Variants in PCDH9 observed in about 807,000 individuals in gnomAD.
PCDH9 encodes protocadherin 9.
PCDH9 carries 24 observed loss-of-function variants against 70.6 expected under a neutral mutation model. The ratio of observed to expected loss-of-function variants is 0.34; its 90% CI spans 0.25 to 0.48. PCDH9 has a LOEUF of 0.48. PCDH9 is among the 20% of genes least tolerant of loss of function. PCDH9 has a pLI of 0.99. For missense variants in PCDH9, 1,281 were observed against 1,503.6 expected (o/e 0.85, Z 2.45); for synonymous variants, 562 against 558.5 (o/e 1.01, Z -0.09).
intron 3 of PCDH9, among the ~76,000 whole-genome samples, chr13:66,900,512 T>C (rs1385409950): frequency 6.6e-6 from 1 of 151,900 alleles, no homozygotes; most frequent in South Asian, 2.1e-4. Flanking sequence ...AGAAGAATTA[T>C]TATAATGCAT....
rs1955408132 is a variant in PCDH9, at chr13:66,303,569, T to C, written c.*1086A>G. The C allele has an allele frequency of 6.6e-6, 1 of 152,492 alleles. No homozygotes were observed. The highest frequency in any genetic ancestry group is 6.6e-5 in the Admixed American group (1 of 15,222). 9.4% of individuals were successfully genotyped at this position (152,492 alleles called of 1,614,324 possible). On this transcript the variant is annotated 3_prime_UTR_variant, in exon 5 of 5. Coordinates refer to ENST00000377865, the MANE Select transcript of PCDH9 (RefSeq NM_203487.3). ...CACAGACTCTGCCATTTCAACAAAG[T>C]TGTAGACACACATTTGCCCAATTGA...
At chr13:66,973,704 C>T (rs1465667660) in intron 2 of PCDH9, among the ~76,000 whole-genome samples, 1 of 152,028 alleles carries the variant, frequency 6.6e-6, no homozygotes, top group African/African-American at 2.4e-5. Flanking sequence ...AACAGATGGA[C>T]AGTTTAAATA....
At chr13:67,061,477 A>G (rs1339497038) in intron 2 of PCDH9, among the ~76,000 whole-genome samples, 1 of 152,072 alleles carries the variant, frequency 6.6e-6, no homozygotes, top group Non-Finnish European at 1.5e-5. Flanking sequence ...AGTGCATAGA[A>G]GCTATGGTTT....
intron 3 of PCDH9, among the ~76,000 whole-genome samples, chr13:66,635,236 G>GA (rs1314732843): frequency 6.6e-6 from 1 of 152,032 alleles, no homozygotes; most frequent in African/African-American, 2.4e-5. Flanking sequence ...TATCCTGTGG[G>GA]AAATATTTTT....
chr13:66,848,254 A>G (rs34208935), intron 3 of PCDH9, among the ~76,000 whole-genome samples: 11,774 of 152,294 alleles, frequency 0.077, 611 homozygotes, highest in South Asian at 0.14. Context: ...TAATTATGGG[A>G]CATTTACAAT....
intron 3 of PCDH9, among the ~76,000 whole-genome samples, chr13:66,798,133 G>A (rs898766607): frequency 1.3e-5 from 2 of 151,926 alleles, no homozygotes; most frequent in African/African-American, 4.8e-5. Context: ...ATTTTTTCTT[G>A]TTTTTCCAAA....
intron 4 of PCDH9, among the ~76,000 whole-genome samples, chr13:66,382,258 T>C (rs181981361): frequency 3.0e-4 from 46 of 152,330 alleles, no homozygotes; most frequent in Admixed American, 2.0e-3. Context: ...AAATCCAATG[T>C]GTACTGATAA....
chr13:66,870,896 C>G (rs2081665861), intron 3 of PCDH9, among the ~76,000 whole-genome samples: 1 of 152,008 alleles, frequency 6.6e-6, no homozygotes, highest in Non-Finnish European at 1.5e-5. Context: ...GGGTATATAC[C>G]CAAAGGACTA....
intron 4 of PCDH9, among the ~76,000 whole-genome samples, chr13:66,622,775 G>C (rs975227785): frequency 6.6e-6 from 1 of 152,168 alleles, no homozygotes; most frequent in Non-Finnish European, 1.5e-5. Flanking sequence ...TGCCCGGGCA[G>C]GCAGTGGCAA....
chr13:67,007,555 T>C (rs1349557843), intron 2 of PCDH9, among the ~76,000 whole-genome samples: 1 of 152,202 alleles, frequency 6.6e-6, no homozygotes, highest in Non-Finnish European at 1.5e-5. Flanking sequence ...ATTGAAAACA[T>C]TATGGGAGCA....
rs917406632 is a variant in PCDH9 at position 67,037,090 on chromosome 13, C to T, written c.3037-133485G>A. On this transcript the variant is annotated intron_variant, in intron 2 of 4. Coordinates refer to ENST00000377865, the MANE Select transcript of PCDH9 (RefSeq NM_203487.3). ...TTAGTTAAAAGCAGCTTTAGAGTGCCCCTCAATCCCTGATTACATCCCCTT... is the reference window on the plus strand; with the variant it reads ...TTAGTTAAAAGCAGCTTTAGAGTGCTCCTCAATCCCTGATTACATCCCCTT... Among the ~76,000 whole-genome samples the T allele has an allele frequency of 3.3e-5, 5 of 152,094 alleles. No homozygotes were observed. The South Asian group carries it at 1.0e-3, about 31-fold the overall frequency.
chr13:66,337,279 A>G (rs993041666), intron 4 of PCDH9, among the ~76,000 whole-genome samples: 4 of 152,082 alleles, frequency 2.6e-5, no homozygotes, highest in African/African-American at 9.7e-5. Context: ...ATATATATTT[A>G]TCAACAAGAT....
intron 4 of PCDH9, among the ~76,000 whole-genome samples, chr13:66,363,413 G>A (rs1411899298): frequency 1.3e-5 from 2 of 152,016 alleles, no homozygotes; most frequent in African/African-American, 2.4e-5. Flanking sequence ...AGCATTAGCT[G>A]GAAATGATTT....
chr13:66,791,137 G>C (rs1225729574), intron 3 of PCDH9, among the ~76,000 whole-genome samples: 3 of 152,056 alleles, frequency 2.0e-5, no homozygotes, highest in African/African-American at 7.2e-5. Flanking sequence ...TTCTATTGTA[G>C]CTCTGTTCAT....
At chr13:66,930,040 G>C (rs1594273982) in intron 2 of PCDH9, among the ~76,000 whole-genome samples, 1 of 152,134 alleles carries the variant, frequency 6.6e-6, no homozygotes, top group East Asian at 1.9e-4. Context: ...TAAGAAACCA[G>C]TATTCATCTC....
chr13:66,677,196 A>G (rs1464378005), intron 3 of PCDH9, among the ~76,000 whole-genome samples: 3 of 152,194 alleles, frequency 2.0e-5, no homozygotes, highest in African/African-American at 7.2e-5. Context: ...AAGATAATAG[A>G]ATTTTTATAA....
intron 3 of PCDH9, among the ~76,000 whole-genome samples, chr13:66,881,094 T>C (rs1206569990): frequency 6.6e-6 from 1 of 152,236 alleles, no homozygotes; most frequent in East Asian, 1.9e-4. Flanking sequence ...GGTTGTCAGC[T>C]AGTAGTAGTT....
intron 4 of PCDH9, among the ~76,000 whole-genome samples, chr13:66,377,722 T>C (rs1408256712): frequency 1.3e-5 from 2 of 152,196 alleles, no homozygotes; most frequent in East Asian, 1.9e-4. Context: ...TGACTTAGCA[T>C]GTGCTAAGAA....
At chr13:66,460,429 G>T (rs1330308956) in intron 4 of PCDH9, among the ~76,000 whole-genome samples, 2 of 151,798 alleles carry the variant, frequency 1.3e-5, no homozygotes, top group East Asian at 1.9e-4. Context: ...TGTTCTTCAT[G>T]GTCACATTAG....
Sources: allele counts gnomAD v4.1 joint callset (sites outside exome capture counted in the v4.1 genomes callset), GRCh38; gene constraint gnomAD v4.1.1; transcripts MANE v1.5; gene names NCBI Gene and HGNC (gene_info 2026-07-23, HGNC 2026-07-21).